DDOST: variants seen among roughly 807,000 people sequenced by gnomAD.
DDOST encodes the protein dolichyl-diphosphooligosaccharide--protein glycosyltransferase non-catalytic subunit, also known as dolichyl-diphosphooligosaccharide--protein glycosyltransferase 48 kDa subunit.
A neutral mutation model predicts 47.6 loss-of-function variants in DDOST; 25 were observed. The observed-to-expected ratio is 0.53, with a 90% confidence interval of 0.38 to 0.73. The LOEUF (loss-of-function observed/expected upper bound fraction) is 0.73, where lower values mean the gene tolerates loss of function less well. Ranked by LOEUF, DDOST falls within the 30% of genes least tolerant of loss-of-function variation. The pLI is 0.00. For synonymous variants in DDOST, 275 were observed against 236.0 expected (o/e 1.17, Z -1.51); for missense variants, 526 against 573.9 (o/e 0.92, Z 0.85).
In DDOST at chr1:20,661,281, A is replaced by G. The variant is rs2053431762; in HGVS notation, c.70T>C (p.Cys24Arg). 6.2e-7 allele frequency: 1 copy of G among 1,613,782 alleles called. No individual in the cohort carries two copies. Among genetic ancestry groups the G allele is most frequent in the Admixed American group, 1.7e-5 (1 of 60,014 alleles). The part of the protein sequence containing the change: ...WLLLPLLGAV[C>R]ASGPRTLVLL... The stretch of plus-strand genomic sequence containing the variant: ...ACTAAGGTGCGGGGTCCGCTGGCGC[A>G]AACCGCGCCAAGCAAGGGCAGCAGC... Residue 24 changes from cysteine to arginine, a missense_variant, in exon 1 of 11, where the codon TGC becomes CGC. Physicochemically the swap from Cys to Arg is radical, Grantham distance 180. Coordinates refer to ENST00000602624, the MANE Select transcript of DDOST (RefSeq NM_005216.5).
rs2053371077 is a variant in DDOST at position 20,656,210 on chromosome 1, G to A, written c.266-23C>T. On this transcript the variant is annotated intron_variant, in intron 2 of 10. Coordinates refer to ENST00000602624, the MANE Select transcript of DDOST (RefSeq NM_005216.5). ...AATCTGAAAGCAGGCACCAGACACA[G>A]TGACCCAGAGGTCTCCTCTCCCTGC... 4 of 1,596,926 alleles carry A rather than the reference G, an allele frequency of 2.5e-6. No homozygotes were observed. In the South Asian group the frequency reaches 4.4e-5, roughly 18 times the overall value.
chr1:20,654,126 T>G, intron 7 of DDOST, 97 bp downstream of exon 7: 1 of 1,404,474 alleles, frequency 7.1e-7, no homozygotes. Flanking sequence ...CCTCTGACAC[T>G]TTTAGCTAAA....
At chr1:20,653,057 C>G in intron 8 of DDOST, 86 bp from the exon 9 acceptor site, 1 of 1,563,462 alleles carries the variant, frequency 6.4e-7, no homozygotes, top group Non-Finnish European at 8.8e-7. Context: ...TAATTCCCAC[C>G]CGACGAACAT....
intron 5 of DDOST, among the ~76,000 whole-genome samples, chr1:20,654,931 C>G (rs1018821792): frequency 6.6e-6 from 1 of 152,214 alleles, no homozygotes; most frequent in Non-Finnish European, 1.5e-5. Flanking sequence ...ACAACCTTGG[C>G]TCACTGCAAC....
intron 3 of DDOST, 44 bp from the exon 4 acceptor site, chr1:20,655,823 G>T: frequency 1.3e-6 from 2 of 1,537,634 alleles, no homozygotes; most frequent in Non-Finnish European, 1.8e-6. Flanking sequence ...TTACAGGGGG[G>T]CCTTGGGCCA....
intron 7 of DDOST, among the ~76,000 whole-genome samples, chr1:20,653,984 A>G (rs895691794): frequency 6.6e-6 from 1 of 152,182 alleles, no homozygotes; most frequent in Non-Finnish European, 1.5e-5. Context: ...CAAATACACA[A>G]ATTTCTAAAA....
chr1:20,658,173 C>T (rs191541113), intron 2 of DDOST, among the ~76,000 whole-genome samples: 2 of 152,360 alleles, frequency 1.3e-5, no homozygotes, highest in East Asian at 3.9e-4. Flanking sequence ...ACCCACTTCC[C>T]CATCTATAAC....
At position 20,654,628 on chromosome 1, in the gene DDOST, T is replaced by C; in HGVS notation, c.631A>G (p.Lys211Glu). Residue 211 changes from lysine (K) to glutamate (E), a missense_variant, in exon 6 of 11, where the codon AAG (lysine) becomes GAG (glutamate). Transcript: ENST00000602624. Reference protein sequence around the residue: ...SSTSYSFFPDKPITQYPHAVG... With the variant: ...SSTSYSFFPDEPITQYPHAVG... ...GAAGCCCTTACCTGGGTGATAGGCT[T>C]GTCCGGGAAGAAGGAGTAAGAGGTG... 6.4e-7 allele frequency: 1 copy of C among 1,563,462 alleles called. No individual in the cohort carries two copies. Among genetic ancestry groups the C allele is most frequent in the Non-Finnish European group, 8.7e-7 (1 of 1,152,580 alleles).
chr1:20,657,568 C>T (rs1216092821), intron 2 of DDOST, among the ~76,000 whole-genome samples: 1 of 152,138 alleles, frequency 6.6e-6, no homozygotes, highest in Non-Finnish European at 1.5e-5. Flanking sequence ...AGAAAAGCTC[C>T]AAGGAGTCTG....
chr1:20,657,769 C>T (rs1393732845), intron 2 of DDOST, among the ~76,000 whole-genome samples: 2 of 152,208 alleles, frequency 1.3e-5, no homozygotes, highest in Admixed American at 1.3e-4. Context: ...TACGCAGAAG[C>T]TCCTATATTC....
rs765762722 is a variant in DDOST, at chr1:20,652,210, T to A, written c.*169A>T. On this transcript the variant is annotated 3_prime_UTR_variant, in exon 11 of 11. Coordinates refer to ENST00000602624, the MANE Select transcript of DDOST (RefSeq NM_005216.5). Reference sequence around the variant, plus strand: ...ATTCAAAGTGGAAAAACTTCTTTTATATAAAAATTATCCCAACTCCCACCC... The same window carrying A: ...ATTCAAAGTGGAAAAACTTCTTTTAAATAAAAATTATCCCAACTCCCACCC... 1 of 612,072 alleles carries A rather than the reference T, an allele frequency of 1.6e-6. No homozygotes were observed. Among genetic ancestry groups the A allele is most frequent in the African/African-American group, 1.9e-5 (1 of 53,400 alleles). The allele number at this position is 612,072 out of a possible 1,614,324, so 37.9% of individuals were successfully genotyped here.
chr1:20,652,143 TGAGAG>T lies in DDOST; in HGVS notation c.*231_*235del. 1 of 395,852 alleles carries T rather than the reference TGAGAG, an allele frequency of 2.5e-6. No individual in the cohort carries two copies. The highest frequency in any genetic ancestry group is 4.5e-6 in the Non-Finnish European group (1 of 222,008). The allele number at this position is 395,852 out of a possible 1,614,324, so 24.5% of individuals were successfully genotyped here. ...CCTGGCCACGTCCCTATTTTAGAAA[TGAGAG>T]GAGTGACTGCACATAGGAAAAATGC... On this transcript the variant is annotated 3_prime_UTR_variant, in exon 11 of 11. Coordinates refer to ENST00000602624, the MANE Select transcript of DDOST (RefSeq NM_005216.5).
At chr1:20,661,127 G>A in intron 1 of DDOST, 70 bp downstream of exon 1, 1 of 1,542,528 alleles carries the variant, frequency 6.5e-7, no homozygotes, top group Non-Finnish European at 8.9e-7. Context: ...GGGAAGGAGA[G>A]TGGTCAATGC....
chr1:20,661,325 G>T lies in DDOST; in HGVS notation c.26C>A (p.Ala9Asp). The change falls in exon 1 of 11, where the codon GCT becomes GAT. Residue 9 changes from alanine to aspartate, a missense_variant. By Grantham distance (126) the Ala-to-Asp change is moderately radical. Coordinates refer to ENST00000602624, the MANE Select transcript of DDOST (RefSeq NM_005216.5). ...CAGCAGCAACCAAAAGAGGGCCCAAGCCCGGGCCGCGGTGCTGGGCTCCAT... is the reference window on the plus strand; with the variant it reads ...CAGCAGCAACCAAAAGAGGGCCCAATCCCGGGCCGCGGTGCTGGGCTCCAT... The part of the protein sequence containing the change: MEPSTAAR[A>D]WALFWLLLPL... 1 of 1,613,544 alleles carries T rather than the reference G, an allele frequency of 6.2e-7. No individual in the cohort carries two copies. The highest frequency in any genetic ancestry group is 1.7e-4 in the Middle Eastern group (1 of 6,056).
In DDOST at chr1:20,652,873, C is replaced by T. The variant is rs2053311940; in HGVS notation, c.1041G>A (p.Val347=). 6.2e-7 allele frequency: 1 copy of T among 1,614,080 alleles called. No individual in the cohort carries two copies. Among genetic ancestry groups the T allele is most frequent in the Non-Finnish European group, 8.5e-7 (1 of 1,180,050 alleles). Reference sequence around the variant, plus strand: ...CACCTTTCTTCTTCAGGAAGGTCCTCACAAAAGGATCAATGCGGACAAACT... The same window carrying T: ...CACCTTTCTTCTTCAGGAAGGTCCTTACAAAAGGATCAATGCGGACAAACT... The part of the protein sequence containing the change: ...QLEFVRIDPF[V]RTFLKKKGGK... Residue 347 remains valine, a synonymous_variant, in exon 9 of 11, where the codon GTG becomes GTA. Coordinates refer to ENST00000602624, the MANE Select transcript of DDOST (RefSeq NM_005216.5).
intron 1 of DDOST, 99 bp from the exon 2 acceptor site, chr1:20,661,090 C>G: frequency 1.3e-6 from 2 of 1,482,930 alleles, no homozygotes; most frequent in Admixed American, 1.8e-5. Flanking sequence ...AGGCCAGACC[C>G]GGGCGGCCTG....
chr1:20,653,182 C>A, intron 8 of DDOST: 1 of 607,992 alleles, frequency 1.6e-6, no homozygotes. Flanking sequence ...ATCTCTGCCT[C>A]TTCTCTGAAG....
At position 20,652,465 on chromosome 1, in the gene DDOST, A is replaced by AGT; in HGVS notation, c.1232_1233dup (p.Tyr412ThrfsTer8). On this transcript the variant is annotated frameshift_variant, in exon 11 of 11. Transcript: ENST00000602624. LOFTEE classifies it high-confidence loss of function. ...AGCATCATGGAGAAGGCGCTGGCGT[A>AGT]GTAGGGGTAGGCCGAGGGGATGAAG... is the stretch of plus-strand genomic sequence containing the variant. 6.2e-7 allele frequency: 1 copy of AGT among 1,613,992 alleles called. No individual in the cohort carries two copies. The highest frequency in any genetic ancestry group is 8.5e-7 in the Non-Finnish European group (1 of 1,179,962).
intron 8 of DDOST, 72 bp from the exon 9 acceptor site, chr1:20,653,043 C>A: frequency 6.3e-7 from 1 of 1,590,696 alleles, no homozygotes; most frequent in Non-Finnish European, 8.6e-7. Flanking sequence ...GGCAGAGCTG[C>A]ACTTAATTCC....
Sources: gnomAD v4.1 joint callset for allele counts (sites outside exome capture counted in the v4.1 genomes callset) on GRCh38, gnomAD v4.1.1 for gene constraint, MANE v1.5 for transcripts, NCBI Gene and HGNC (gene_info 2026-07-23, HGNC 2026-07-21) for gene names.